TSHZ2: variants seen among roughly 807,000 people sequenced by gnomAD.
The protein encoded by TSHZ2 is teashirt zinc finger homeobox 2, also known as teashirt homolog 2.
In TSHZ2, 21 loss-of-function variants were observed where a neutral mutation model predicts 74.4. The observed-to-expected ratio is 0.28, with a 90% confidence interval of 0.20 to 0.41. The LOEUF (loss-of-function observed/expected upper bound fraction) is 0.41, where lower values mean the gene tolerates loss of function less well. Ranked by LOEUF, TSHZ2 falls within the 10% of genes least tolerant of loss-of-function variation. The pLI is 1.00. For synonymous variants in TSHZ2, 540 were observed against 515.3 expected (o/e 1.05, Z -0.65); for missense variants, 1,244 against 1,293.5 (o/e 0.96, Z 0.59).
chr20:53,070,454 A>G (rs2123194992), intron 1 of TSHZ2, among the ~76,000 whole-genome samples: 2 of 152,360 alleles, frequency 1.3e-5, no homozygotes, highest in Admixed American at 1.3e-4. Flanking sequence ...TTATCTGTGA[A>G]GCAATCTCTT....
At chr20:53,231,725 T>C (rs989961533) in intron 1 of TSHZ2, among the ~76,000 whole-genome samples, 1 of 152,194 alleles carries the variant, frequency 6.6e-6, no homozygotes, top group African/African-American at 2.4e-5. Context: ...AGATAGCATC[T>C]TTCCTCAACC....
At chr20:53,416,014 C>G (rs1005869461) in intron 2 of TSHZ2, among the ~76,000 whole-genome samples, 1 of 152,112 alleles carries the variant, frequency 6.6e-6, no homozygotes, top group Non-Finnish European at 1.5e-5. Flanking sequence ...GGTCATGGAG[C>G]TAGAAAAGAA....
intron 2 of TSHZ2, among the ~76,000 whole-genome samples, chr20:53,341,031 A>G (rs563998117): frequency 4.2e-4 from 64 of 152,168 alleles, no homozygotes; most frequent in Non-Finnish European, 4.3e-4. Flanking sequence ...TAGGTCTGCT[A>G]TTAGATTTAG....
chr20:53,300,078 G>A (rs1991452895), intron 2 of TSHZ2, among the ~76,000 whole-genome samples: 2 of 152,194 alleles, frequency 1.3e-5, no homozygotes, highest in Non-Finnish European at 2.9e-5. Context: ...TGAACAAAGT[G>A]TTTATTTCTC....
intron 1 of TSHZ2, among the ~76,000 whole-genome samples, chr20:53,104,600 G>C (rs538789157): frequency 6.6e-6 from 1 of 152,208 alleles, no homozygotes; most frequent in African/African-American, 2.4e-5. Flanking sequence ...ACTGTGGTTG[G>C]GAATATGGTA....
chr20:53,237,661 T>C (rs1437298823), intron 1 of TSHZ2, among the ~76,000 whole-genome samples: 1 of 152,196 alleles, frequency 6.6e-6, no homozygotes, highest in Non-Finnish European at 1.5e-5. Flanking sequence ...TGATCAGCGG[T>C]AGCGAGGCTG....
chr20:53,071,716 A>G (rs1459461194), intron 1 of TSHZ2, among the ~76,000 whole-genome samples: 1 of 152,122 alleles, frequency 6.6e-6, no homozygotes, highest in Non-Finnish European at 1.5e-5. Context: ...CACAGGTGAC[A>G]TGGGTTTTAT....
At chr20:53,327,300 C>T (rs1979534108) in intron 2 of TSHZ2, among the ~76,000 whole-genome samples, 1 of 152,198 alleles carries the variant, frequency 6.6e-6, no homozygotes, top group Non-Finnish European at 1.5e-5. Context: ...CCCTGAGTAA[C>T]TAATGACGTA....
intron 2 of TSHZ2, among the ~76,000 whole-genome samples, chr20:53,447,161 T>C (rs1381014964): frequency 2.0e-5 from 3 of 152,106 alleles, no homozygotes; most frequent in Non-Finnish European, 4.4e-5. Flanking sequence ...GATGCCAATC[T>C]CCTCTTCTTG....
intron 1 of TSHZ2, among the ~76,000 whole-genome samples, chr20:53,156,872 G>A (rs567472609): frequency 3.9e-5 from 6 of 152,346 alleles, no homozygotes; most frequent in African/African-American, 1.2e-4. Context: ...AATAAGAGCT[G>A]TTGAAATGAC....
At chr20:53,187,146 C>T (rs899792050) in intron 1 of TSHZ2, among the ~76,000 whole-genome samples, 3 of 152,120 alleles carry the variant, frequency 2.0e-5, no homozygotes, top group Non-Finnish European at 4.4e-5. Context: ...ACACTCGCCG[C>T]ACGTCTGGGG....
chr20:53,425,641 G>A (rs1983629317), intron 2 of TSHZ2, among the ~76,000 whole-genome samples: 1 of 152,198 alleles, frequency 6.6e-6, no homozygotes, highest in East Asian at 1.9e-4. Context: ...AGGTCTTGCA[G>A]GTGATGCAAC....
chr20:53,255,203 G>T lies in TSHZ2; in HGVS notation c.1745G>T (p.Trp582Leu), dbSNP rs957452819. The T allele has an allele frequency of 4.3e-6, 7 of 1,614,042 alleles. No homozygotes were observed. Among genetic ancestry groups the T allele is most frequent in the Non-Finnish European group, 5.1e-6 (6 of 1,180,044 alleles). Residue 582 changes from tryptophan (W) to leucine (L), a missense_variant, in exon 2 of 3, where the codon TGG becomes TTG. By Grantham distance (61) the Trp-to-Leu change is moderately conservative. Coordinates refer to ENST00000371497, the MANE Select transcript of TSHZ2 (RefSeq NM_173485.6). This position sits in a 1 kb window ranked among gnomAD's most constrained non-coding sequence, Gnocchi z 4.1. ...AAGCTGAGGCCCATTGCACCAAAGT[G>T]GAAAGTGATGCCACTGGTTTCTATG... ...TNKLRPIAPK[W>L]KVMPLVSMPT...
chr20:53,239,657 G>A (rs1990020825), intron 1 of TSHZ2, among the ~76,000 whole-genome samples: 1 of 152,090 alleles, frequency 6.6e-6, no homozygotes. Flanking sequence ...TTAACTGCGA[G>A]CAGCAATCCC....
At chr20:53,102,768 GA>G (rs1986254152) in intron 1 of TSHZ2, among the ~76,000 whole-genome samples, 1 of 152,142 alleles carries the variant, frequency 6.6e-6, no homozygotes, top group Non-Finnish European at 1.5e-5. Context: ...CTTGGATTTT[GA>G]GTTGAGCAGC....
chr20:53,494,287 CAAA>C lies in TSHZ2; in HGVS notation c.*7164_*7166del, dbSNP rs753807167. ...TGGGCAACAGAGCAAGACTGTGTCT[CAAA>C]AAAAAAAAAAAGAATGGATTTTCAG... On this transcript the variant is annotated 3_prime_UTR_variant, in exon 3 of 3. Transcript: ENST00000371497. 3.8e-5 allele frequency: 5 copies of C among 131,868 alleles called. No homozygotes were observed. Among genetic ancestry groups the C allele is most frequent in the Admixed American group, 7.7e-5 (1 of 13,014 alleles). The allele number at this position is 131,868 out of a possible 1,614,324, so 8.2% of individuals were successfully genotyped here.
chr20:53,361,433 G>T (rs1981049813), intron 2 of TSHZ2, among the ~76,000 whole-genome samples: 1 of 152,190 alleles, frequency 6.6e-6, no homozygotes, highest in Non-Finnish European at 1.5e-5. Flanking sequence ...ATTCCTCTCT[G>T]CTGTGGAGTG....
At chr20:52,997,146 G>A (rs758488904) in intron 1 of TSHZ2, among the ~76,000 whole-genome samples, 3 of 152,170 alleles carry the variant, frequency 2.0e-5, no homozygotes, top group Non-Finnish European at 4.4e-5. Flanking sequence ...TGGGAGAGAT[G>A]CAGCAAAGGC....
At chr20:53,185,647 T>A (rs1191276463) in intron 1 of TSHZ2, 1 of 1,536,004 alleles carries the variant, frequency 6.5e-7, no homozygotes, top group South Asian at 1.2e-5. Flanking sequence ...AAAGAAAAGA[T>A]GATGGCTGCT....
Sources: allele counts gnomAD v4.1 joint callset (sites outside exome capture counted in the v4.1 genomes callset), GRCh38; gene constraint gnomAD v4.1.1; non-coding constraint Gnocchi (gnomAD v3.1); transcripts MANE v1.5; gene names NCBI Gene and HGNC (gene_info 2026-07-23, HGNC 2026-07-21).